RORA: variants seen among roughly 807,000 people sequenced by gnomAD.
RORA encodes nuclear receptor ROR-alpha.
In RORA, 7 loss-of-function variants were observed where a neutral mutation model predicts 69.5. That is an observed-to-expected ratio of 0.10 (90% CI 0.06 to 0.19). The LOEUF is 0.19. Ranked by LOEUF, RORA falls within the 10% of genes least tolerant of loss-of-function variation. The pLI, the probability that RORA is intolerant of heterozygous loss-of-function variation, is 1.00. For synonymous variants in RORA, 261 were observed against 240.8 expected (o/e 1.08, Z -0.78); for missense variants, 457 against 663.0 (o/e 0.69, Z 3.41).
At chr15:61,081,015 C>A (rs1168547045) in intron 1 of RORA, among the ~76,000 whole-genome samples, 1 of 152,200 alleles carries the variant, frequency 6.6e-6, no homozygotes, top group Non-Finnish European at 1.5e-5. Flanking sequence ...ACATTTTGCA[C>A]AGGAAGAAAG....
chr15:60,694,956 GATTT>G (rs1442272476), intron 1 of RORA, among the ~76,000 whole-genome samples: 1 of 152,112 alleles, frequency 6.6e-6, no homozygotes, highest in Non-Finnish European at 1.5e-5. Flanking sequence ...CGCAAAGTGG[GATTT>G]ATTTGTCTAT....
intron 1 of RORA, among the ~76,000 whole-genome samples, chr15:60,726,117 T>C (rs1351428069): frequency 2.0e-5 from 3 of 151,744 alleles, no homozygotes; most frequent in African/African-American, 7.3e-5. Flanking sequence ...ATTAAGGCCA[T>C]ATAGCTATTA....
At chr15:60,883,322 C>A (rs969769026) in intron 1 of RORA, among the ~76,000 whole-genome samples, 1 of 152,028 alleles carries the variant, frequency 6.6e-6, no homozygotes, top group Non-Finnish European at 1.5e-5. Flanking sequence ...TTTTGGAAAA[C>A]TGACAACATG....
At chr15:60,664,949 G>T (rs1039186585) in intron 2 of RORA, among the ~76,000 whole-genome samples, 1 of 152,150 alleles carries the variant, frequency 6.6e-6, no homozygotes, top group Non-Finnish European at 1.5e-5. Flanking sequence ...ATTTTTAAAA[G>T]AATTCCAAGG....
At chr15:60,974,880 G>C (rs1893832424) in intron 1 of RORA, among the ~76,000 whole-genome samples, 2 of 152,220 alleles carry the variant, frequency 1.3e-5, no homozygotes, top group Admixed American at 6.5e-5. Flanking sequence ...TGAAGAAAGG[G>C]AGGTGGCTTT....
intron 1 of RORA, among the ~76,000 whole-genome samples, chr15:61,141,664 T>C (rs540675535): frequency 7.9e-5 from 12 of 152,292 alleles, no homozygotes; most frequent in Admixed American, 2.0e-4. Flanking sequence ...AAGGACAAGA[T>C]TGACCCTACC....
At chr15:61,070,248 C>A (rs1568717) in intron 1 of RORA, among the ~76,000 whole-genome samples, 36,989 of 151,998 alleles carry the variant, frequency 0.24, 4,684 homozygotes, top group Non-Finnish European at 0.27. Context: ...GGTATAGGAG[C>A]CTGTAAAGGT....
chr15:61,064,387 T>A (rs2078228306), intron 1 of RORA, among the ~76,000 whole-genome samples: 1 of 152,254 alleles, frequency 6.6e-6, no homozygotes, highest in Non-Finnish European at 1.5e-5. Flanking sequence ...AAGGCACATT[T>A]ACATGACCCA....
At chr15:61,053,470 T>G (rs1168811681) in intron 1 of RORA, among the ~76,000 whole-genome samples, 3 of 152,076 alleles carry the variant, frequency 2.0e-5, no homozygotes, top group Non-Finnish European at 4.4e-5. Flanking sequence ...GGCACGGGGT[T>G]GTGAATACAG....
At chr15:60,761,384 G>C (rs1353259795) in intron 1 of RORA, among the ~76,000 whole-genome samples, 2 of 151,910 alleles carry the variant, frequency 1.3e-5, no homozygotes, top group Non-Finnish European at 2.9e-5. Flanking sequence ...GATTCAGAAG[G>C]CACTTTAGGA....
chr15:60,558,157 C>T, intron 2 of RORA: 1 of 1,176,764 alleles, frequency 8.5e-7, no homozygotes, highest in South Asian at 1.3e-5. Context: ...GAGGCAAACA[C>T]AAGACTGGGC....
At chr15:61,163,259 G>C (rs571847006) in intron 1 of RORA, among the ~76,000 whole-genome samples, 1 of 152,232 alleles carries the variant, frequency 6.6e-6, no homozygotes, top group South Asian at 2.1e-4. Flanking sequence ...ATGGACAAGG[G>C]GTCTGGGTCC....
chr15:61,088,450 AC>A (rs1358607955), intron 1 of RORA, among the ~76,000 whole-genome samples: 11 of 152,220 alleles, frequency 7.2e-5, no homozygotes, highest in African/African-American at 2.7e-4. Flanking sequence ...GTAGTTTGGT[AC>A]TAAAGAAGCA....
chr15:61,176,926 C>A (rs906711205), intron 1 of RORA, among the ~76,000 whole-genome samples: 8 of 152,294 alleles, frequency 5.3e-5, no homozygotes, highest in African/African-American at 1.7e-4. Context: ...TAACATGTAA[C>A]TGGCCTCTGG....
intron 1 of RORA, among the ~76,000 whole-genome samples, chr15:61,064,067 C>T (rs1371493572): frequency 2.0e-5 from 3 of 152,156 alleles, no homozygotes; most frequent in East Asian, 1.9e-4. Flanking sequence ...GAGTCAACCT[C>T]GAGGGCAGCT....
chr15:60,592,337 C>G lies in RORA; in HGVS notation c.197-60486G>C, dbSNP rs983342299. On this transcript the variant is annotated intron_variant, in intron 2 of 10. Transcript: ENST00000335670. ...CTCCCCCTGCGCGCCCTCCTCCCCG[C>G]CCCCCGGAGCCGCCAGCCCACCCGG... is the stretch of plus-strand genomic sequence containing the variant. 5 of 1,314,624 alleles carry G rather than the reference C, an allele frequency of 3.8e-6. No homozygotes were observed. In the Admixed American group the frequency reaches 1.0e-4, roughly 27 times the overall value. 81.4% of individuals were successfully genotyped at this position (1,314,624 alleles called of 1,614,324 possible).
intron 2 of RORA, among the ~76,000 whole-genome samples, chr15:60,595,641 T>G (rs1454717706): frequency 1.3e-5 from 2 of 151,538 alleles, no homozygotes; most frequent in Non-Finnish European, 2.9e-5. Flanking sequence ...GAGAACACAG[T>G]GCTAAGGAAC....
At chr15:61,165,832 C>G (rs1244653941) in intron 1 of RORA, among the ~76,000 whole-genome samples, 2 of 152,226 alleles carry the variant, frequency 1.3e-5, no homozygotes, top group African/African-American at 4.8e-5. Flanking sequence ...TTAATAATAT[C>G]TACCCCTTAC....
intron 1 of RORA, among the ~76,000 whole-genome samples, chr15:60,777,090 T>C (rs1011630064): frequency 1.2e-4 from 18 of 152,208 alleles, no homozygotes; most frequent in African/African-American, 3.6e-4. Context: ...ATGTTATTAC[T>C]CCTTACAAGC....
Sources: gnomAD v4.1 joint callset for allele counts (sites outside exome capture counted in the v4.1 genomes callset) on GRCh38, gnomAD v4.1.1 for gene constraint, MANE v1.5 for transcripts, NCBI Gene and HGNC (gene_info 2026-07-23, HGNC 2026-07-21) for gene names.